The following SP140 variants were observed in gnomAD, a reference collection of about 807,000 sequenced individuals.
SP140 encodes the protein nuclear body protein SP140.
SP140 carries 81 observed loss-of-function variants against 125.0 expected under a neutral mutation model. The ratio of observed to expected loss-of-function variants is 0.65; its 90% confidence interval spans 0.54 to 0.78. The LOEUF (loss-of-function observed/expected upper bound fraction) is 0.78. SP140 is among the 30% of genes least tolerant of loss of function. The probability of loss-of-function intolerance (pLI) is 0.00; values close to 1 mark genes in which losing one functional copy is unlikely to be tolerated. For synonymous variants in SP140, 312 were observed against 354.0 expected, an observed-to-expected ratio of 0.88 and a Z score of 1.33; for missense variants, 858 against 1,037.0, an observed-to-expected ratio of 0.83 and a Z score of 2.37.
In SP140 at chr2:230,285,683, G is replaced by T. The variant is rs7582032; in HGVS notation, c.1565-69G>T. On this transcript the variant is annotated intron_variant, in intron 16 of 26. Coordinates refer to ENST00000392045, the MANE Select transcript of SP140 (RefSeq NM_007237.5). ...TGAGACCCAGGACTCCCTCACTTGC[G>T]TTTGTTCCTGCCTGACAGCTGTTGT... is the stretch of plus-strand genomic sequence containing the variant. 8.3e-6 allele frequency: 11 copies of T among 1,323,638 alleles called. No homozygotes were observed. In the Admixed American group the frequency reaches 8.6e-5, roughly 10 times the overall value. 82.0% of individuals were successfully genotyped at this position (1,323,638 alleles called of 1,614,324 possible).
chr2:230,207,794 G>A (rs2044032523), intron 1 of SP140, among the ~76,000 whole-genome samples: 1 of 151,932 alleles, frequency 6.6e-6, no homozygotes, highest in South Asian at 2.1e-4. Flanking sequence ...TGGCTGCCCT[G>A]CCTCCATTCT....
At chr2:230,220,348 A>G (rs555698731) in intron 3 of SP140, among the ~76,000 whole-genome samples, 1 of 152,332 alleles carries the variant, frequency 6.6e-6, no homozygotes, top group Non-Finnish European at 1.5e-5. Flanking sequence ...GATTGTGGTG[A>G]TGTTTACATA....
intron 1 of SP140, among the ~76,000 whole-genome samples, chr2:230,226,430 G>A (rs1173989409): frequency 2.0e-5 from 3 of 152,130 alleles, no homozygotes; most frequent in Non-Finnish European, 4.4e-5. Flanking sequence ...GAAAGCAGAT[G>A]AGACCCAACA....
intron 1 of SP140, among the ~76,000 whole-genome samples, chr2:230,206,880 T>C (rs62193102): frequency 1.3e-5 from 2 of 152,090 alleles, no homozygotes; most frequent in African/African-American, 4.8e-5. Flanking sequence ...AGAACCTCTC[T>C]TATCTCCTGA....
chr2:230,261,270 T>C (rs528277635), intron 12 of SP140, among the ~76,000 whole-genome samples: 58 of 152,278 alleles, frequency 3.8e-4, no homozygotes, highest in Non-Finnish European at 5.3e-4. Context: ...TGTTGGTATA[T>C]AGAAAAGCTA....
At chr2:230,187,635 TA>T in the SP140 span, among the ~76,000 whole-genome samples, 1 of 152,174 alleles carries the variant, frequency 6.6e-6, no homozygotes, top group Admixed American at 6.5e-5. Context: ...GTCTTAGGTT[TA>T]AATTTTTGAT....
At chr2:230,310,301 T>A in intron 23 of SP140, 1 of 514,558 alleles carries the variant, frequency 1.9e-6, no homozygotes, top group South Asian at 2.3e-5. Flanking sequence ...CATTGTCCTT[T>A]CCTTGAAGTT....
intron 15 of SP140, among the ~76,000 whole-genome samples, chr2:230,274,788 C>G (rs908036315): frequency 2.0e-5 from 3 of 151,312 alleles, no homozygotes; most frequent in Non-Finnish European, 4.4e-5. Context: ...TTTTAAAATA[C>G]TTGTTCCCTG....
At chr2:230,245,988 A>G (rs780162740) in intron 7 of SP140, 48 bp downstream of exon 7, 12 of 1,110,310 alleles carry the variant, frequency 1.1e-5, no homozygotes, top group Admixed American at 8.6e-5. Context: ...AACATACAAA[A>G]ACACCTACTC....
At chr2:230,212,337 T>C in intron 1 of SP140, 1 of 1,598,758 alleles carries the variant, frequency 6.3e-7, no homozygotes, top group African/African-American at 1.3e-5. Context: ...TCAGCCCCAG[T>C]CAGTGTTACC....
intron 22 of SP140, 100 bp from the exon 23 acceptor site, chr2:230,309,824 A>T (rs542309881): frequency 1.7e-6 from 2 of 1,198,832 alleles, no homozygotes; most frequent in Non-Finnish European, 2.4e-6. Context: ...TTGCCTGTCC[A>T]TGCAGGTTCA....
At chr2:230,246,304 A>G (rs776623456) in intron 7 of SP140, among the ~76,000 whole-genome samples, 1 of 152,188 alleles carries the variant, frequency 6.6e-6, no homozygotes, top group Non-Finnish European at 1.5e-5. Context: ...ATATAGTTTG[A>G]ATCGTTAAAT....
chr2:230,309,915 A>G lies in SP140; in HGVS notation c.2059-9A>G, dbSNP rs372241258. The G allele has an allele frequency of 2.2e-5, 36 of 1,613,094 alleles. No homozygotes were observed. The highest frequency in any genetic ancestry group is 2.7e-5 in the Non-Finnish European group (32 of 1,179,928). On this transcript the variant is annotated splice_polypyrimidine_tract_variant and intron_variant, in intron 22 of 26. Transcript: ENST00000392045. ...TTCCCAGTGACGTGGACACTGTTTT[A>G]TCTTCTAGATGAGAAACCTGGATGA...
chr2:230,211,667 A>C lies in SP140; in HGVS notation c.-322-1987A>C. ...TAAAAATGACGGGGTAACAGCAACC[A>C]AGGCCTGGGAAAGGATGGCATAGAG... On this transcript the variant is annotated intron_variant, in intron 1 of 4. Coordinates refer to the SP140 transcript ENST00000456542. This position sits in a 1 kb window ranked among gnomAD's most constrained non-coding sequence, Gnocchi z 4.2. 1.4e-6 allele frequency: 1 copy of C among 735,170 alleles called. No homozygotes were observed. The highest frequency in any genetic ancestry group is 1.4e-5 in the South Asian group (1 of 69,224). The allele number at this position is 735,170 out of a possible 1,614,324, so 45.5% of individuals were successfully genotyped here. A position where few individuals can be genotyped will look rare whatever the true frequency, so the allele number is the denominator to read the frequency against.
chr2:230,205,425 C>A (rs1463931048), intron 1 of SP140, among the ~76,000 whole-genome samples: 1 of 152,188 alleles, frequency 6.6e-6, no homozygotes, highest in Non-Finnish European at 1.5e-5. Flanking sequence ...CCCACCCCAA[C>A]CTGCAAGTCA....
chr2:230,285,766 G>T lies in SP140; in HGVS notation c.1579G>T (p.Asp527Tyr). 1.2e-6 allele frequency: 2 copies of T among 1,613,526 alleles called. No homozygotes were observed. Among genetic ancestry groups the T allele is most frequent in the Non-Finnish European group, 1.7e-6 (2 of 1,179,508 alleles). The change falls in exon 17 of 27, where the codon GAC becomes TAC. Residue 527 changes from aspartate (D) to tyrosine (Y), a missense_variant. Physicochemically the swap from Asp to Tyr is radical, Grantham distance 160 (BLOSUM62 -3). This residue lies in a region of SP140 where 791 missense variants were observed against 869.5 expected (regional missense o/e 0.91). Coordinates refer to ENST00000392045, the MANE Select transcript of SP140 (RefSeq NM_007237.5). ...NSQQNDNSKA[D>Y]GQVVSSEKKA... is the part of the protein sequence containing the mutation. ...CCTATCCCCAGATAATAGCAAAGCC[G>T]ACGGCCAGGTGGTCTCCAGTGAAAA...
chr2:230,249,773 G>C (rs189304841), intron 9 of SP140, among the ~76,000 whole-genome samples: 1 of 152,160 alleles, frequency 6.6e-6, no homozygotes. Context: ...AAAGGGGCAG[G>C]TCGAGGGCCT....
chr2:230,310,533 T>A, intron 23 of SP140: 1 of 1,175,366 alleles, frequency 8.5e-7, no homozygotes, highest in East Asian at 2.6e-5. Context: ...ACCACCTTCC[T>A]CAGACTTCCT....
intron 15 of SP140, among the ~76,000 whole-genome samples, chr2:230,281,483 AT>A (rs2055539659): frequency 6.6e-6 from 1 of 152,176 alleles, no homozygotes; most frequent in African/African-American, 2.4e-5. Flanking sequence ...TTATAACTGC[AT>A]TTTTCTGCAC....
Sources: gnomAD v4.1 joint callset for allele counts (sites outside exome capture counted in the v4.1 genomes callset) on GRCh38, gnomAD v4.1.1 for gene constraint, gnomAD v4.1.1 regional missense constraint, Gnocchi (gnomAD v3.1) non-coding constraint, MANE v1.5 for transcripts, NCBI Gene and HGNC (gene_info 2026-07-23, HGNC 2026-07-21) for gene names.